The following PRDM16 variants were observed in gnomAD, a reference collection of about 807,000 sequenced individuals.
PRDM16 encodes PR/SET domain 16.
Under a neutral mutation model 110.6 loss-of-function variants are expected in PRDM16, and 23 were observed. That is an observed-to-expected ratio of 0.21 (90% CI 0.15 to 0.29). The LOEUF is 0.29. Ranked by LOEUF, PRDM16 falls within the 10% of genes least tolerant of loss-of-function variation. The probability of loss-of-function intolerance (pLI) is 1.00; values close to 1 mark genes in which losing one functional copy is unlikely to be tolerated. For synonymous variants in PRDM16, 799 were observed against 781.8 expected (o/e 1.02, Z -0.37); for missense variants, 1,615 against 1,794.3 (o/e 0.90, Z 1.81).
Position 3,436,594 on chromosome 1 carries a change from G to A in PRDM16, c.*2783G>A, listed in dbSNP as rs956121393. On this transcript the variant is annotated 3_prime_UTR_variant, in exon 17 of 17. Transcript: ENST00000270722. Reference sequence around the variant, plus strand: ...CTGGTGCGCCCCAAAACACGGCCCCGACACTTAGTGTGGCCCCAGGCCCCA... The same window carrying A: ...CTGGTGCGCCCCAAAACACGGCCCCAACACTTAGTGTGGCCCCAGGCCCCA... 2.6e-5 allele frequency: 6 copies of A among 231,712 alleles called. No homozygotes were observed. The highest frequency in any genetic ancestry group is 6.1e-5 in the East Asian group (1 of 16,446). The allele number at this position is 231,712 out of a possible 1,614,324, so 14.4% of individuals were successfully genotyped here.
At chr1:3,338,663 C>T (rs1267618873) in intron 3 of PRDM16, among the ~76,000 whole-genome samples, 6 of 152,192 alleles carry the variant, frequency 3.9e-5, no homozygotes, top group African/African-American at 1.4e-4. Flanking sequence ...GGTCCCACGC[C>T]ATGAGGGCTG....
rs773915002 is a variant in PRDM16 at position 3,411,998 on chromosome 1, G to A, written c.1801G>A (p.Gly601Ser). 18 of 1,613,532 alleles carry A rather than the reference G, an allele frequency of 1.1e-5. No homozygotes were observed. Among genetic ancestry groups the A allele is most frequent in the South Asian group, 4.4e-5 (4 of 91,086 alleles). The change falls in exon 9 of 17, where the codon GGC becomes AGC. Residue 601 changes from glycine to serine, a missense_variant. Gly to Ser is a moderately conservative substitution (Grantham distance 56, BLOSUM62 0). This residue lies in a region of PRDM16 where 772 missense variants were observed against 748.3 expected (regional missense o/e 1.03). Coordinates refer to ENST00000270722, the MANE Select transcript of PRDM16 (RefSeq NM_022114.4). ...GACCAGGAGCAGCGACATGTCGGAC[G>A]GCAGTGACTTTGAGGACGTCAACAC... ...LKTRSSDMSDGSDFEDVNTTT... is the reference protein window; with the variant it reads ...LKTRSSDMSDSSDFEDVNTTT...
intron 16 of PRDM16, 96 bp from the exon 17 acceptor site, chr1:3,433,581 G>A (rs1365563056): frequency 5.2e-5 from 24 of 461,740 alleles, no homozygotes; most frequent in Admixed American, 4.3e-4. Context: ...GGGATGGCCC[G>A]CCCTGCCCAC....
chr1:3,101,704 G>A (rs1642537473), intron 1 of PRDM16, among the ~76,000 whole-genome samples: 1 of 152,222 alleles, frequency 6.6e-6, no homozygotes, highest in South Asian at 2.1e-4. Context: ...AAGGTCAGAG[G>A]ACCAGCCAGG....
chr1:3,425,924 C>T lies in PRDM16; in HGVS notation c.3110-127C>T, dbSNP rs959485591. On this transcript the variant is annotated intron_variant, in intron 13 of 16. Transcript: ENST00000270722. This position sits in a 1 kb window ranked among gnomAD's most constrained non-coding sequence, Gnocchi z 6.9. ...TGGTCATTAAAGAGAACCTCGTGCT[C>T]TCCGGTGTCCCTAAGAAACCTGCCT... The T allele has an allele frequency of 1.6e-6, 2 of 1,266,654 alleles. No homozygotes were observed. The highest frequency in any genetic ancestry group is 2.6e-5 in the Admixed American group (1 of 39,014). The allele number at this position is 1,266,654 out of a possible 1,614,324, so 78.5% of individuals were successfully genotyped here. A position where few individuals can be genotyped will look rare whatever the true frequency, so the allele number is the denominator to read the frequency against.
chr1:3,370,896 A>G lies in PRDM16; in HGVS notation c.439-14256A>G, dbSNP rs939567899. Among the ~76,000 whole-genome samples, 2 of 146,788 alleles carry G rather than the reference A, an allele frequency of 1.4e-5. No individual in the cohort carries two copies. Among genetic ancestry groups the G allele is most frequent in the Non-Finnish European group, 3.0e-5 (2 of 66,760 alleles). On this transcript the variant is annotated intron_variant, in intron 3 of 16. Transcript: ENST00000270722. This position sits in a 1 kb window ranked among gnomAD's most constrained non-coding sequence, Gnocchi z 4.8. ...CCATCCACCCACCCATCCACCATCC[A>G]TTCATCCATCCATCCATCCATGCAT...
At chr1:3,372,922 C>G (rs1234052826) in intron 3 of PRDM16, among the ~76,000 whole-genome samples, 1 of 152,180 alleles carries the variant, frequency 6.6e-6, no homozygotes, top group Non-Finnish European at 1.5e-5. Flanking sequence ...GGGCCTGATG[C>G]AGAGCCTGCG....
chr1:3,348,074 C>T (rs931770253), intron 3 of PRDM16, among the ~76,000 whole-genome samples: 1 of 152,190 alleles, frequency 6.6e-6, no homozygotes, highest in Admixed American at 6.5e-5. Flanking sequence ...GAGCACGGGG[C>T]AGCCTGTGTC....
intron 3 of PRDM16, among the ~76,000 whole-genome samples, chr1:3,263,194 T>C (rs1014213920): frequency 6.6e-6 from 1 of 152,134 alleles, no homozygotes; most frequent in African/African-American, 2.4e-5. Flanking sequence ...TTGCTCTGAG[T>C]GCCCGGGGAT....
At chr1:3,120,744 G>C (rs895883652) in intron 1 of PRDM16, among the ~76,000 whole-genome samples, 1 of 152,184 alleles carries the variant, frequency 6.6e-6, no homozygotes, top group South Asian at 2.1e-4. Flanking sequence ...GGTGGGCCTC[G>C]TGGGAGTGAC....
intron 3 of PRDM16, among the ~76,000 whole-genome samples, chr1:3,361,643 T>G (rs1361814660): frequency 6.6e-6 from 1 of 152,170 alleles, no homozygotes; most frequent in Non-Finnish European, 1.5e-5. Flanking sequence ...AAGGATGGTG[T>G]TGTGGGGCTT....
intron 1 of PRDM16, chr1:3,128,049 G>A (rs1182001958): frequency 4.5e-5 from 7 of 154,858 alleles, no homozygotes; most frequent in African/African-American, 1.2e-4. Context: ...ACTTCAGAGG[G>A]CACTTGTATG....
rs552822182 is a variant in PRDM16, at chr1:3,325,925, C to T, written c.439-59227C>T. 9.9e-4 allele frequency among the ~76,000 whole-genome samples: 101 copies of T among 102,058 alleles called. 6 individuals are homozygous for T. Among genetic ancestry groups the T allele is most frequent in the South Asian group, 5.9e-3 (18 of 3,028 alleles). 67.0% of individuals were successfully genotyped at this position (102,058 alleles called of 152,430 possible). On this transcript the variant is annotated intron_variant, in intron 3 of 16. Coordinates refer to ENST00000270722, the MANE Select transcript of PRDM16 (RefSeq NM_022114.4). ...CCTCTTGGCCCTCCTTGGCCCTCCT[C>T]GGCCCTCTTGGCCCTCCTTGGCCAT...
At chr1:3,413,619 C>G (rs1416007140) in intron 9 of PRDM16, among the ~76,000 whole-genome samples, 5 of 152,180 alleles carry the variant, frequency 3.3e-5, no homozygotes, top group Admixed American at 6.5e-5. Context: ...AAGTCCTGTC[C>G]TAATAAAGCA....
chr1:3,232,053 G>C (rs1026134322), intron 2 of PRDM16, among the ~76,000 whole-genome samples: 2 of 152,216 alleles, frequency 1.3e-5, no homozygotes, highest in Non-Finnish European at 2.9e-5. Context: ...CTGCCTTCAC[G>C]CACGGTGGTC....
At chr1:3,138,667 C>A (rs1643486339) in intron 1 of PRDM16, among the ~76,000 whole-genome samples, 2 of 152,198 alleles carry the variant, frequency 1.3e-5, no homozygotes, top group South Asian at 2.1e-4. Flanking sequence ...GGTACCAGCA[C>A]CTTGGGAGTG....
chr1:3,419,781 C>T (rs530525954), intron 12 of PRDM16, among the ~76,000 whole-genome samples: 9 of 152,152 alleles, frequency 5.9e-5, no homozygotes, highest in East Asian at 3.9e-4. Context: ...CTGTGCATGT[C>T]GTGGTCACTG....
intron 3 of PRDM16, among the ~76,000 whole-genome samples, chr1:3,316,274 A>AGGGGTG (rs1330124771): frequency 1.6e-3 from 2 of 1,224 alleles, no homozygotes; most frequent in African/African-American, 4.9e-3. Context: ...CTGTGGGGGT[A>AGGGGTG]GGGGTGGGGG....
chr1:3,353,576 G>A lies in PRDM16; in HGVS notation c.439-31576G>A, dbSNP rs1376073783. 6.6e-6 allele frequency among the ~76,000 whole-genome samples: 1 copy of A among 152,216 alleles called. No individual in the cohort carries two copies. The highest frequency in any genetic ancestry group is 1.5e-5 in the Non-Finnish European group (1 of 68,014). ...CCAAGTACTGGGGGCCACGGGCTGA[G>A]GGCACAGGCCACAGGGGATGAGTCC... On this transcript the variant is annotated intron_variant, in intron 3 of 16. Coordinates refer to ENST00000270722, the MANE Select transcript of PRDM16 (RefSeq NM_022114.4). This position sits in a 1 kb window ranked among gnomAD's most constrained non-coding sequence, Gnocchi z 5.4.
Sources: gnomAD v4.1 joint callset for allele counts (sites outside exome capture counted in the v4.1 genomes callset) on GRCh38, gnomAD v4.1.1 for gene constraint, gnomAD v4.1.1 regional missense constraint, Gnocchi (gnomAD v3.1) non-coding constraint, MANE v1.5 for transcripts, NCBI Gene and HGNC (gene_info 2026-07-23, HGNC 2026-07-21) for gene names.